The following TNS3 variants were observed in gnomAD, a reference collection of about 807,000 sequenced individuals.
TNS3 encodes the protein tensin-3.
A neutral mutation model predicts 140.9 loss-of-function variants in TNS3; 45 were observed. The ratio of observed to expected loss-of-function variants is 0.32; its 90% CI spans 0.25 to 0.41. The LOEUF (loss-of-function observed/expected upper bound fraction) is 0.41. Among genes scored for constraint, TNS3 ranks in the 10% least tolerant of loss-of-function variants. The probability of loss-of-function intolerance (pLI) is 1.00; values close to 1 mark genes in which losing one functional copy is unlikely to be tolerated. For synonymous variants in TNS3, 815 were observed against 788.4 expected, an observed-to-expected ratio of 1.03 and a Z score of -0.56; for missense variants, 1,716 against 1,906.7, an observed-to-expected ratio of 0.90 and a Z score of 1.86.
rs546392654 is a variant in TNS3, at chr7:47,531,552, C to A, written c.-264-2405G>T. ...TACACAGGTAAATTTATGAGTTTTT[C>A]TTATTATTTAAAGCTCACCAAAAGA... On this transcript the variant is annotated intron_variant, in intron 1 of 30. Transcript: ENST00000311160. Among the ~76,000 whole-genome samples the A allele has an allele frequency of 6.6e-5, 10 of 152,260 alleles. No homozygotes were observed. The East Asian group carries it at 1.7e-3, about 26-fold the overall frequency.
chr7:47,362,017 T>A (rs1310408321), intron 17 of TNS3, among the ~76,000 whole-genome samples: 2 of 152,086 alleles, frequency 1.3e-5, no homozygotes, highest in East Asian at 1.9e-4. Context: ...GTTGAAATAT[T>A]CTCCCACTTA....
intron 17 of TNS3, among the ~76,000 whole-genome samples, chr7:47,350,772 G>C (rs1231012360): frequency 1.3e-5 from 2 of 152,134 alleles, no homozygotes; most frequent in Non-Finnish European, 2.9e-5. Context: ...CAAAGGCTGG[G>C]GCTTGGCACA....
At position 47,418,593 on chromosome 7, in the gene TNS3, T is replaced by C. The variant is rs569932381; in HGVS notation, c.474-3387A>G. The stretch of plus-strand genomic sequence containing the variant: ...AACAGCTCCATTATTTTCCCATTGC[T>C]ATCTTTTCTTTCTTTTTAGGAAATA... On this transcript the variant is annotated intron_variant, in intron 10 of 30. Transcript: ENST00000311160. 4.5e-3 allele frequency among the ~76,000 whole-genome samples: 679 copies of C among 152,344 alleles called. 1 individual carries two copies. Among genetic ancestry groups the C allele is most frequent in the Non-Finnish European group, 7.3e-3 (499 of 68,028 alleles).
chr7:47,488,509 G>A (rs192178816), intron 3 of TNS3, among the ~76,000 whole-genome samples: 3 of 152,270 alleles, frequency 2.0e-5, no homozygotes, highest in East Asian at 1.9e-4. Context: ...GTGTCCTCAC[G>A]TGGCCATTCC....
chr7:47,515,032 T>TC (rs1249536320), intron 2 of TNS3, among the ~76,000 whole-genome samples: 1 of 152,222 alleles, frequency 6.6e-6, no homozygotes, highest in Non-Finnish European at 1.5e-5. Context: ...TTGAGGAGTG[T>TC]AAGAAAAACC....
rs748537863 is a variant in TNS3, at chr7:47,292,012, C to G, written c.3871G>C (p.Glu1291Gln). 28 of 1,614,040 alleles carry G rather than the reference C, an allele frequency of 1.7e-5. No homozygotes were observed. In the South Asian group the frequency reaches 2.2e-4, roughly 13 times the overall value. ...PERDPLEEIA[E>Q]SSPQTAANSA... ...TTGGCTGCCGTCTGGGGAGAACTTT[C>G]TGCTATTTCCTCCAATGGATCTGTA... The change falls in exon 27 of 31, where the codon GAA (glutamate) becomes CAA (glutamine). Residue 1291 changes from glutamate to glutamine, a missense_variant. Coordinates refer to ENST00000311160, the MANE Select transcript of TNS3 (RefSeq NM_022748.12).
intron 4 of TNS3, among the ~76,000 whole-genome samples, chr7:47,454,023 A>G (rs1045215870): frequency 4.6e-5 from 7 of 152,126 alleles, no homozygotes; most frequent in African/African-American, 1.7e-4. Context: ...TATTTTTATC[A>G]CTTATTTCAT....
intron 16 of TNS3, among the ~76,000 whole-genome samples, chr7:47,378,058 C>G (rs1791511079): frequency 6.6e-6 from 1 of 152,162 alleles, no homozygotes; most frequent in Non-Finnish European, 1.5e-5. Context: ...CCTCACTGTC[C>G]TTGTCTGCAG....
intron 1 of TNS3, among the ~76,000 whole-genome samples, chr7:47,553,008 A>T (rs1358383140): frequency 1.3e-5 from 2 of 152,268 alleles, no homozygotes; most frequent in African/African-American, 4.8e-5. Context: ...GGATTAGAAG[A>T]TCAAACCAGC....
intron 28 of TNS3, among the ~76,000 whole-genome samples, chr7:47,282,279 T>G: frequency 7.0e-6 from 1 of 143,170 alleles, no homozygotes; most frequent in East Asian, 2.2e-4. Context: ...GCCATGCAGC[T>G]GAGCCATGCC....
chr7:47,495,378 G>T (rs1171077143), intron 3 of TNS3, among the ~76,000 whole-genome samples: 2 of 152,136 alleles, frequency 1.3e-5, no homozygotes, highest in Non-Finnish European at 2.9e-5. Flanking sequence ...GGACACACAC[G>T]CTGACAACAT....
chr7:47,534,227 T>C (rs1799521043), intron 1 of TNS3, among the ~76,000 whole-genome samples: 1 of 151,824 alleles, frequency 6.6e-6, no homozygotes, highest in South Asian at 2.1e-4. Context: ...TAGGCCGAGA[T>C]CATGGCACGG....
At chr7:47,476,673 C>A (rs558131252) in intron 4 of TNS3, among the ~76,000 whole-genome samples, 3 of 152,316 alleles carry the variant, frequency 2.0e-5, no homozygotes, top group Middle Eastern at 6.8e-3. Flanking sequence ...TTAGTCTACA[C>A]CCTCCATAAT....
At chr7:47,340,321 C>T (rs781315905) in intron 20 of TNS3, among the ~76,000 whole-genome samples, 1 of 150,436 alleles carries the variant, frequency 6.6e-6, no homozygotes, top group African/African-American at 2.4e-5. Flanking sequence ...CAGAGTTTCA[C>T]CATGTTGGCC....
At chr7:47,361,395 C>T (rs1041086281) in intron 17 of TNS3, among the ~76,000 whole-genome samples, 3 of 152,040 alleles carry the variant, frequency 2.0e-5, no homozygotes, top group African/African-American at 7.2e-5. Flanking sequence ...TCTGCCTCTC[C>T]TCCAGACCAT....
intron 1 of TNS3, among the ~76,000 whole-genome samples, chr7:47,537,892 G>GACC (rs1799660550): frequency 6.6e-6 from 1 of 151,996 alleles, no homozygotes; most frequent in Non-Finnish European, 1.5e-5. Context: ...CAAAGCACAG[G>GACC]ACCGCCCGGG....
At chr7:47,472,444 C>T (rs1533086) in intron 4 of TNS3, among the ~76,000 whole-genome samples, 104,173 of 152,100 alleles carry the variant, frequency 0.68, 35,927 homozygotes, top group East Asian at 0.87. Context: ...GGCTTGCCCT[C>T]CTTCACTGGT....
rs1386246130 is a variant in TNS3 at position 47,277,067 on chromosome 7, C to T, written c.*1009G>A. On this transcript the variant is annotated 3_prime_UTR_variant, in exon 31 of 31. Coordinates refer to ENST00000311160, the MANE Select transcript of TNS3 (RefSeq NM_022748.12). ...GGGAAAAACATTCCAATGAGTAAAACATCAGGGTAGGTTGCTTGAGGCAAA... is the reference window on the plus strand; with the variant it reads ...GGGAAAAACATTCCAATGAGTAAAATATCAGGGTAGGTTGCTTGAGGCAAA... 6.6e-6 allele frequency: 1 copy of T among 152,126 alleles called. No individual in the cohort carries two copies. Among genetic ancestry groups the T allele is most frequent in the East Asian group, 1.9e-4 (1 of 5,156 alleles). 9.4% of individuals were successfully genotyped at this position (152,126 alleles called of 1,614,324 possible).
intron 16 of TNS3, among the ~76,000 whole-genome samples, chr7:47,371,430 T>C (rs1791066225): frequency 6.6e-6 from 1 of 152,080 alleles, no homozygotes; most frequent in Admixed American, 6.5e-5. Flanking sequence ...GAGGTGGAGG[T>C]GGGCCTAGAA....
Sources: allele counts gnomAD v4.1 joint callset (sites outside exome capture counted in the v4.1 genomes callset), GRCh38; gene constraint gnomAD v4.1.1; transcripts MANE v1.5; gene names NCBI Gene and HGNC (gene_info 2026-07-23, HGNC 2026-07-21).